Variants in PPA2 observed in about 807,000 individuals in gnomAD.
PPA2 encodes inorganic pyrophosphatase 2.
A neutral mutation model predicts 49.5 loss-of-function variants in PPA2; 48 were observed. The observed-to-expected ratio is 0.97, with a 90% confidence interval of 0.77 to 1.23. The LOEUF is 1.23. PPA2 is among the 50% of genes most tolerant of loss of function. The pLI is 0.00. For synonymous variants in PPA2, 131 were observed against 139.9 expected, an observed-to-expected ratio of 0.94 and a Z score of 0.45; for missense variants, 429 against 410.1, an observed-to-expected ratio of 1.05 and a Z score of -0.40.
intron 7 of PPA2, among the ~76,000 whole-genome samples, chr4:105,408,735 A>C (rs186755871): frequency 6.6e-6 from 1 of 152,358 alleles, no homozygotes; most frequent in East Asian, 1.9e-4. Context: ...CTCCCTTTAA[A>C]ATAAGTTAAA....
At position 105,424,244 on chromosome 4, in the gene PPA2, T is replaced by C; in HGVS notation, c.607A>G (p.Lys203Glu). ...ALIDEGETDW[K>E]LIAINANDPE... ...TCATTCGCATTGATAGCAATTAATT[T>C]CCAATCTGTTTCACCTTCATCAATA... Residue 203 changes from lysine to glutamate, a missense_variant, in exon 7 of 12, where the codon AAA (lysine) becomes GAA (glutamate). Physicochemically the swap from Lys to Glu is moderately conservative, Grantham distance 56 (BLOSUM62 1). Coordinates refer to ENST00000341695, the MANE Select transcript of PPA2 (RefSeq NM_176869.3). The C allele has an allele frequency of 2.5e-6, 4 of 1,610,414 alleles. No individual in the cohort carries two copies. Among genetic ancestry groups the C allele is most frequent in the Non-Finnish European group, 2.5e-6 (3 of 1,179,070 alleles).
intron 7 of PPA2, 112 bp downstream of exon 7, chr4:105,424,082 CCT>C (rs1723377881): frequency 3.6e-6 from 4 of 1,096,912 alleles, no homozygotes; most frequent in Admixed American, 2.6e-5. Context: ...TACATCTTTT[CCT>C]CTCTCTTTTT....
intron 10 of PPA2, among the ~76,000 whole-genome samples, chr4:105,380,499 C>G (rs573841018): frequency 1.3e-5 from 2 of 152,056 alleles, no homozygotes; most frequent in Admixed American, 6.6e-5. Context: ...TTTTAAATCA[C>G]GAAGTACTTC....
intron 8 of PPA2, among the ~76,000 whole-genome samples, chr4:105,397,390 T>TA (rs1734191657): frequency 6.6e-6 from 1 of 152,206 alleles, no homozygotes; most frequent in Admixed American, 6.6e-5. Flanking sequence ...TATCTGATTA[T>TA]GTAAGGATAG....
rs1054396569 is a variant in PPA2 at position 105,435,251 on chromosome 4, T to A, written c.528+2699A>T. On this transcript the variant is annotated intron_variant, in intron 6 of 11. Coordinates refer to ENST00000341695, the MANE Select transcript of PPA2 (RefSeq NM_176869.3). Reference sequence around the variant, plus strand: ...CCGAGAACTATTTTTTAGATGGTAGTCATATATTTATTTCATATTTAGTAA... The same window carrying A: ...CCGAGAACTATTTTTTAGATGGTAGACATATATTTATTTCATATTTAGTAA... Among the ~76,000 whole-genome samples, 23 of 152,184 alleles carry A rather than the reference T, an allele frequency of 1.5e-4. 1 individual carries two copies.
In PPA2 at chr4:105,392,446, G is replaced by A. The variant is rs546716336; in HGVS notation, c.869+3803C>T. ...CCCGCACTTTGGGAGGCTGAGGTGC[G>A]TGGATCACCTGCGGTCAGGAGTTTG... On this transcript the variant is annotated intron_variant, in intron 9 of 11. Coordinates refer to ENST00000341695, the MANE Select transcript of PPA2 (RefSeq NM_176869.3). Among the ~76,000 whole-genome samples the A allele has an allele frequency of 4.9e-4, 75 of 152,254 alleles. 2 individuals carry two copies. The South Asian group carries it at 0.012, about 24-fold the overall frequency.
chr4:105,440,451 C>T (rs1217743929), intron 5 of PPA2, among the ~76,000 whole-genome samples: 4 of 152,044 alleles, frequency 2.6e-5, no homozygotes, highest in Non-Finnish European at 4.4e-5. Flanking sequence ...TTAGTATAGA[C>T]GGGTTTTCAC....
chr4:105,451,428 A>G (rs187460280), intron 3 of PPA2, among the ~76,000 whole-genome samples: 101 of 152,376 alleles, frequency 6.6e-4, no homozygotes, highest in East Asian at 4.0e-3. Flanking sequence ...TAAATTCTCA[A>G]TAGCTGCTCC....
rs1207584594 is a variant in PPA2, at chr4:105,466,602, T to C, written c.157+7292A>G. ...GGAGAGGCTGAGGCAATTTTACAGA[T>C]GGAATCAGTTTATTATAATAAAAGG... On this transcript the variant is annotated intron_variant, in intron 1 of 11. Coordinates refer to ENST00000341695, the MANE Select transcript of PPA2 (RefSeq NM_176869.3). 1.6e-4 allele frequency among the ~76,000 whole-genome samples: 24 copies of C among 152,026 alleles called. 1 individual carries two copies. The highest frequency in any genetic ancestry group is 1.6e-3 in the Admixed American group (24 of 15,268).
intron 10 of PPA2, among the ~76,000 whole-genome samples, chr4:105,380,804 C>T (rs1358279018): frequency 6.6e-6 from 1 of 151,914 alleles, no homozygotes; most frequent in Non-Finnish European, 1.5e-5. Context: ...TATATGTGTC[C>T]TGCTTTTTCA....
At chr4:105,373,291 T>C (rs578251533) in intron 10 of PPA2, among the ~76,000 whole-genome samples, 21 of 152,296 alleles carry the variant, frequency 1.4e-4, no homozygotes, top group Non-Finnish European at 2.6e-4. Context: ...TAACACAACA[T>C]AAAAATTGTA....
rs1734252483 is a variant in PPA2, at chr4:105,398,982, G to A, written c.783+55C>T. 15 of 1,552,342 alleles carry A rather than the reference G, an allele frequency of 9.7e-6. No individual in the cohort carries two copies. The South Asian group carries it at 1.5e-4, about 16-fold the overall frequency. On this transcript the variant is annotated intron_variant, in intron 8 of 11. Transcript: ENST00000341695. Reference sequence around the variant, plus strand: ...ACATAAGAAACTTCCCAAGTGAAACGAATATTGTACAGGTATCAGGAGGTA... The same window carrying A: ...ACATAAGAAACTTCCCAAGTGAAACAAATATTGTACAGGTATCAGGAGGTA...
chr4:105,397,585 C>T (rs1734199867), intron 8 of PPA2, among the ~76,000 whole-genome samples: 1 of 152,126 alleles, frequency 6.6e-6, no homozygotes, highest in Non-Finnish European at 1.5e-5. Context: ...CCTCTCAAAT[C>T]TCATGTTCAA....
intron 2 of PPA2, among the ~76,000 whole-genome samples, chr4:105,454,726 C>T (rs575999154): frequency 8.3e-4 from 126 of 152,260 alleles, no homozygotes; most frequent in Non-Finnish European, 1.6e-3. Context: ...ATTTACACAA[C>T]CACCATGCGT....
At chr4:105,374,168 C>G (rs1733143326) in intron 10 of PPA2, among the ~76,000 whole-genome samples, 1 of 152,192 alleles carries the variant, frequency 6.6e-6, no homozygotes, top group African/African-American at 2.4e-5. Context: ...CTTACCTCAT[C>G]TAATTTCTTA....
intron 7 of PPA2, among the ~76,000 whole-genome samples, chr4:105,414,796 T>C (rs900535540): frequency 2.6e-5 from 4 of 152,124 alleles, no homozygotes; most frequent in African/African-American, 9.7e-5. Flanking sequence ...GCCATTTGGG[T>C]GTTCCCGAGT....
At chr4:105,385,149 G>A (rs982177808) in intron 10 of PPA2, among the ~76,000 whole-genome samples, 3 of 152,108 alleles carry the variant, frequency 2.0e-5, no homozygotes, top group Admixed American at 6.5e-5. Context: ...GTGGCTGACT[G>A]CCTTTTTAAT....
At chr4:105,409,670 C>T (rs1191900688) in intron 7 of PPA2, among the ~76,000 whole-genome samples, 1 of 152,222 alleles carries the variant, frequency 6.6e-6, no homozygotes, top group Non-Finnish European at 1.5e-5. Context: ...CAGGTGGGTG[C>T]CCCTCTGGGA....
intron 3 of PPA2, among the ~76,000 whole-genome samples, chr4:105,449,887 ATAAT>A (rs924533775): frequency 2.6e-5 from 4 of 152,224 alleles, no homozygotes; most frequent in African/African-American, 7.2e-5. Context: ...TGATAAAATA[ATAAT>A]TAAATCCAAG....
Sources: allele counts gnomAD v4.1 joint callset (sites outside exome capture counted in the v4.1 genomes callset), GRCh38; gene constraint gnomAD v4.1.1; transcripts MANE v1.5; gene names NCBI Gene and HGNC (gene_info 2026-07-23, HGNC 2026-07-21).